Variants in GSDME observed in about 807,000 individuals in gnomAD.
GSDME encodes the protein gasdermin-E.
In GSDME, 44 loss-of-function variants were observed where a neutral mutation model predicts 47.5. That is an observed-to-expected ratio of 0.93 (90% CI 0.73 to 1.19). GSDME has a LOEUF of 1.19. GSDME is among the 50% of genes most tolerant of loss of function. The probability of loss-of-function intolerance (pLI) is 0.00; values close to 1 mark genes in which losing one functional copy is unlikely to be tolerated. For synonymous variants in GSDME, 258 were observed against 252.8 expected (o/e 1.02, Z -0.20); for missense variants, 663 against 604.2 (o/e 1.10, Z -1.02).
At position 24,706,323 on chromosome 7, in the gene GSDME, C is replaced by T. The variant is rs1243707910; in HGVS notation, c.1044G>A (p.Leu348=). Residue 348 remains leucine (L), a synonymous_variant, in exon 8 of 10, where the codon CTG becomes CTA. Transcript: ENST00000645220. ...CAAGGTCCTGCTGCTGCCGGGGCTT[C>T]AGCTCCCCCAGCACCGCCACTGTGG... is the stretch of plus-strand genomic sequence containing the variant. ...LSPTVAVLGE[L]KPRQQQDLVA... 1.2e-6 allele frequency: 2 copies of T among 1,613,308 alleles called. No individual in the cohort carries two copies. Among genetic ancestry groups the T allele is most frequent in the Admixed American group, 1.7e-5 (1 of 60,026 alleles).
At chr7:24,729,868 T>C (rs905370820) in intron 3 of GSDME, among the ~76,000 whole-genome samples, 2 of 152,140 alleles carry the variant, frequency 1.3e-5, no homozygotes. Flanking sequence ...CTGGCTACCC[T>C]GTGGAGAATC....
chr7:24,783,818 T>C, the GSDME span, among the ~76,000 whole-genome samples: 1 of 152,004 alleles, frequency 6.6e-6, no homozygotes, highest in African/African-American at 2.4e-5. Context: ...CCCAGGCTCC[T>C]TGTGTGAGCT....
At chr7:24,781,392 A>G in the GSDME span, among the ~76,000 whole-genome samples, 1 of 152,240 alleles carries the variant, frequency 6.6e-6, no homozygotes, top group Non-Finnish European at 1.5e-5. Flanking sequence ...TGAGACATGC[A>G]GCTTACAGTA....
chr7:24,715,529 C>A, intron 5 of GSDME: 1 of 470,298 alleles, frequency 2.1e-6, no homozygotes, highest in Non-Finnish European at 4.4e-6. Flanking sequence ...TCACCACTGG[C>A]CATCAGTAAG....
At chr7:24,771,947 T>C in the GSDME span, among the ~76,000 whole-genome samples, 1 of 152,212 alleles carries the variant, frequency 6.6e-6, no homozygotes, top group Non-Finnish European at 1.5e-5. The surrounding 1 kb of genome is among the most constrained non-coding windows in gnomAD (Gnocchi z 4.1). Context: ...TATCATCCCA[T>C]TTGAAAAACT....
rs757374376 is a variant in GSDME at position 24,714,110 on chromosome 7, A to G, written c.697+3144T>C. The stretch of plus-strand genomic sequence containing the variant: ...ACGCTAGCAAATGCCAAGATGTATA[A>G]AAGTGCAAGGCAGAAGGTCAAGAGA... On this transcript the variant is annotated intron_variant, in intron 5 of 9. Transcript: ENST00000645220. The surrounding 1 kb of genome is among the most constrained non-coding windows in gnomAD (Gnocchi z 5.0). 5.3e-5 allele frequency among the ~76,000 whole-genome samples: 8 copies of G among 152,248 alleles called. No individual in the cohort carries two copies. Among genetic ancestry groups the G allele is most frequent in the Non-Finnish European group, 1.2e-4 (8 of 68,044 alleles).
chr7:24,771,268 C>CG, the GSDME span, among the ~76,000 whole-genome samples: 6 of 152,144 alleles, frequency 3.9e-5, no homozygotes, highest in Non-Finnish European at 7.3e-5. This position sits in a 1 kb window ranked among gnomAD's most constrained non-coding sequence, Gnocchi z 4.1. Flanking sequence ...AAAGCCTCCC[C>CG]GGAAAGGAGA....
chr7:24,741,417 A>G (rs1790487680), intron 3 of GSDME, among the ~76,000 whole-genome samples: 1 of 152,116 alleles, frequency 6.6e-6, no homozygotes. Context: ...ATCTTAGAAT[A>G]GTTTCCATCA....
At chr7:24,713,804 A>T (rs1445487490) in intron 5 of GSDME, among the ~76,000 whole-genome samples, 1 of 152,256 alleles carries the variant, frequency 6.6e-6, no homozygotes. Flanking sequence ...GAATCAGAGT[A>T]GCCAGTTACG....
intron 3 of GSDME, among the ~76,000 whole-genome samples, chr7:24,734,836 T>C (rs1211249178): frequency 6.6e-6 from 1 of 152,258 alleles, no homozygotes; most frequent in South Asian, 2.1e-4. Flanking sequence ...CTAAGAGGTA[T>C]TGGCCTTAAA....
rs17209655 is a variant in GSDME at position 24,712,442 on chromosome 7, C to T, written c.698-2054G>A. ...TCACCCATGCATAGCTCCCTGAGGG[C>T]GCCACCAATTAATTCCTTCATTCTT... On this transcript the variant is annotated intron_variant, in intron 5 of 9. Coordinates refer to ENST00000645220, the MANE Select transcript of GSDME (RefSeq NM_001127453.2). This position sits in a 1 kb window ranked among gnomAD's most constrained non-coding sequence, Gnocchi z 4.4. Among the ~76,000 whole-genome samples, 5,861 of 152,294 alleles carry T rather than the reference C, an allele frequency of 0.038. 157 individuals are homozygous for T. Among genetic ancestry groups the T allele is most frequent in the Non-Finnish European group, 0.057 (3,871 of 68,014 alleles).
chr7:24,720,021 G>A (rs955388596), intron 3 of GSDME, among the ~76,000 whole-genome samples: 20 of 152,154 alleles, frequency 1.3e-4, no homozygotes, highest in African/African-American at 4.8e-4. Context: ...AATTAGATTT[G>A]AACTAAGAGG....
chr7:24,750,076 A>G (rs1250514180), intron 1 of GSDME, among the ~76,000 whole-genome samples: 2 of 152,226 alleles, frequency 1.3e-5, no homozygotes, highest in African/African-American at 4.8e-5. Context: ...CTCATACTAC[A>G]TGCACAATAC....
chr7:24,746,349 G>A (rs1005434404), intron 2 of GSDME, among the ~76,000 whole-genome samples: 1 of 152,096 alleles, frequency 6.6e-6, no homozygotes, highest in African/African-American at 2.4e-5. Flanking sequence ...ATTACTAACC[G>A]GGAGAATTTG....
At chr7:24,783,989 G>A in the GSDME span, among the ~76,000 whole-genome samples, 1 of 152,120 alleles carries the variant, frequency 6.6e-6, no homozygotes, top group Non-Finnish European at 1.5e-5. Flanking sequence ...CAGGCATGGA[G>A]AGGCTGCAGC....
chr7:24,716,917 C>G lies in GSDME; in HGVS notation c.697+337G>C, dbSNP rs1050168366. ...ACTTGCCTGAGACCTCATAGGACATCATGGCACCGGGGTTGATGCCCAGTG... is the reference window on the plus strand; with the variant it reads ...ACTTGCCTGAGACCTCATAGGACATGATGGCACCGGGGTTGATGCCCAGTG... On this transcript the variant is annotated intron_variant, in intron 5 of 9. Coordinates refer to ENST00000645220, the MANE Select transcript of GSDME (RefSeq NM_001127453.2). The surrounding 1 kb of genome is among the most constrained non-coding windows in gnomAD (Gnocchi z 4.5). 8.0e-6 allele frequency: 3 copies of G among 374,976 alleles called. No homozygotes were observed. The highest frequency in any genetic ancestry group is 6.2e-5 in the African/African-American group (3 of 48,124). 23.2% of individuals were successfully genotyped at this position (374,976 alleles called of 1,614,324 possible).
intron 1 of GSDME, among the ~76,000 whole-genome samples, chr7:24,753,788 T>C (rs1790931169): frequency 1.3e-5 from 2 of 152,238 alleles, no homozygotes; most frequent in African/African-American, 4.8e-5. Context: ...CTTTGCTCAT[T>C]TTCTATTCTT....
the GSDME span, among the ~76,000 whole-genome samples, chr7:24,765,265 G>T: frequency 4.6e-5 from 7 of 152,032 alleles, no homozygotes; most frequent in Non-Finnish European, 1.0e-4. Flanking sequence ...TTTAAATGTC[G>T]ATACGGATCC....
chr7:24,782,694 C>G, the GSDME span, among the ~76,000 whole-genome samples: 3 of 152,302 alleles, frequency 2.0e-5, no homozygotes, highest in East Asian at 3.9e-4. Context: ...CAGTGTAAAA[C>G]TGTTCCTGTT....
Sources: allele counts gnomAD v4.1 joint callset (sites outside exome capture counted in the v4.1 genomes callset), GRCh38; gene constraint gnomAD v4.1.1; non-coding constraint Gnocchi (gnomAD v3.1); transcripts MANE v1.5; gene names NCBI Gene and HGNC (gene_info 2026-07-23, HGNC 2026-07-21).